The following UGT2B7 variants were observed in gnomAD, a reference collection of about 807,000 sequenced individuals.
UGT2B7 encodes the protein UDP glucuronosyltransferase family 2 member B7, also known as UDP-glucuronosyltransferase 2B7.
In UGT2B7, 51 loss-of-function variants were observed where a neutral mutation model predicts 51.9. The observed-to-expected ratio is 0.98, with a 90% CI of 0.78 to 1.24. The LOEUF (loss-of-function observed/expected upper bound fraction) is 1.24, where lower values mean the gene tolerates loss of function less well. Among genes scored for constraint, UGT2B7 ranks in the 50% most tolerant of loss-of-function variants. UGT2B7 has a pLI of 0.00. For missense variants in UGT2B7, 727 were observed against 628.4 expected (o/e 1.16, Z -1.68); for synonymous variants, 225 against 211.6 (o/e 1.06, Z -0.55).
At chr4:69,112,288 G>A (rs1719795283) in intron 5 of UGT2B7, among the ~76,000 whole-genome samples, 169 bp from the exon 6 acceptor site, 1 of 152,106 alleles carries the variant, frequency 6.6e-6, no homozygotes, top group Non-Finnish European at 1.5e-5. Flanking sequence ...TTAGAGTTGT[G>A]AGCCCTTAAA....
upstream of UGT2B7, among the ~76,000 whole-genome samples, chr4:69,093,028 A>G (rs999309355): frequency 3.9e-5 from 6 of 152,066 alleles, no homozygotes; most frequent in Non-Finnish European, 8.8e-5. Context: ...TGTCATACAT[A>G]ATCTCCAAAG....
At chr4:69,104,870 G>A (rs139887962) in intron 3 of UGT2B7, among the ~76,000 whole-genome samples, 31 of 152,288 alleles carry the variant, frequency 2.0e-4, no homozygotes, top group Middle Eastern at 6.8e-3. Context: ...ATGCAATTTA[G>A]TCTTGGCATG....
At chr4:69,108,691 A>T (rs921182000) in intron 5 of UGT2B7, among the ~76,000 whole-genome samples, 2 of 152,018 alleles carry the variant, frequency 1.3e-5, no homozygotes, top group Non-Finnish European at 2.9e-5. Context: ...GAGTATAACC[A>T]TTTTCTTGCT....
At chr4:69,089,434 A>G in intron 1 of UGT2B7, 1 of 152,214 alleles carries the variant, frequency 6.6e-6, no homozygotes, top group East Asian at 1.9e-4. Flanking sequence ...TCTACATGAT[A>G]TTGCATCTTT....
chr4:69,090,459 T>A (rs1307287033), intron 2 of UGT2B7, among the ~76,000 whole-genome samples: 1 of 130,642 alleles, frequency 7.7e-6, no homozygotes, highest in Non-Finnish European at 1.6e-5. Flanking sequence ...TAACTTCTTT[T>A]TCTTTTTTAA....
chr4:69,091,398 GT>G lies in UGT2B7; in HGVS notation c.-27+1805del, dbSNP rs112636942. On this transcript the variant is annotated intron_variant, in intron 2 of 5. Transcript: ENST00000502942. Reference sequence around the variant, plus strand: ...GTGAATTAGAAACTTTAAAGATTTTGTTTTTTTTTTCTGTCATTGAAAATAT... The same window carrying G: ...GTGAATTAGAAACTTTAAAGATTTTGTTTTTTTTTCTGTCATTGAAAATAT... Among the ~76,000 whole-genome samples, 2,394 of 146,416 alleles carry G rather than the reference GT, an allele frequency of 0.016. 166 individuals carry two copies. The East Asian group carries it at 0.24, about 15-fold the overall frequency.
intron 1 of UGT2B7, among the ~76,000 whole-genome samples, chr4:69,065,292 A>G (rs1577909033): frequency 6.6e-6 from 1 of 152,136 alleles, no homozygotes; most frequent in African/African-American, 2.4e-5. Context: ...TAGAAAAACC[A>G]AACTGCCTTG....
Position 69,091,449 on chromosome 4 carries a change from T to C in UGT2B7, c.-27+1846T>C, listed in dbSNP as rs138723783. Among the ~76,000 whole-genome samples the C allele has an allele frequency of 2.3e-3, 354 of 152,296 alleles. 2 individuals carry two copies. Among genetic ancestry groups the C allele is most frequent in the African/African-American group, 8.2e-3 (342 of 41,568 alleles). On this transcript the variant is annotated intron_variant, in intron 2 of 5. Coordinates refer to the UGT2B7 transcript ENST00000502942. ...TAGATTAGTACAGTTATATTTCATG[T>C]ATTTTTATTTTTTAAAGGTTGGAAC...
chr4:69,070,792 T>C (rs1201355175), intron 1 of UGT2B7, among the ~76,000 whole-genome samples: 1 of 152,128 alleles, frequency 6.6e-6, no homozygotes, highest in Non-Finnish European at 1.5e-5. Flanking sequence ...GGTCACCTTC[T>C]AGGACAAATC....
intron 1 of UGT2B7, among the ~76,000 whole-genome samples, chr4:69,063,322 A>AAAAAAAAAAAG (rs1408289895): frequency 8.8e-4 from 103 of 116,772 alleles, no homozygotes; most frequent in Admixed American, 2.8e-3. Context: ...CCGTCTCAAA[A>AAAAAAAAAAAG]AAAAAAAAAA....
chr4:69,059,167 T>C (rs1458402481), intron 1 of UGT2B7, among the ~76,000 whole-genome samples: 1 of 152,142 alleles, frequency 6.6e-6, no homozygotes, highest in Non-Finnish European at 1.5e-5. Context: ...GATTGGAAGT[T>C]AGAGGCCAGC....
intron 1 of UGT2B7, among the ~76,000 whole-genome samples, chr4:69,075,626 C>T (rs1718686148): frequency 1.3e-5 from 2 of 152,128 alleles, no homozygotes; most frequent in Non-Finnish European, 2.9e-5. Context: ...ATGAAAGTAT[C>T]AGCCTGAGAA....
chr4:69,102,415 C>T (rs2109888419), intron 2 of UGT2B7, among the ~76,000 whole-genome samples: 1 of 152,222 alleles, frequency 6.6e-6, no homozygotes, highest in South Asian at 2.1e-4. Flanking sequence ...AGTAGAACAA[C>T]AATATAGAAT....
chr4:69,064,094 A>AGAGAGAG (rs1718429376), intron 1 of UGT2B7, among the ~76,000 whole-genome samples: 40 of 84,460 alleles, frequency 4.7e-4, no homozygotes, highest in Non-Finnish European at 7.1e-4. Flanking sequence ...GAAAGAAAGA[A>AGAGAGAG]AGAGAAAGAA....
chr4:69,061,220 T>C (rs993324556), intron 1 of UGT2B7, among the ~76,000 whole-genome samples: 5 of 152,192 alleles, frequency 3.3e-5, no homozygotes, highest in African/African-American at 1.2e-4. Context: ...AAATATGCTT[T>C]TGCCACTTTG....
chr4:69,097,044 C>G lies in UGT2B7; in HGVS notation c.524C>G (p.Ser175Cys), dbSNP rs770638134. 1 of 1,613,746 alleles carries G rather than the reference C, an allele frequency of 6.2e-7. No homozygotes were observed. Among genetic ancestry groups the G allele is most frequent in the Non-Finnish European group, 8.5e-7 (1 of 1,179,828 alleles). Residue 175 changes from serine to cysteine, a missense_variant, in exon 1 of 6, where the codon TCT becomes TGT. Transcript: ENST00000305231. ...CCCTTTGTGTACAGTCTCAGCTTCT[C>G]TCCTGGCTACACTTTTGAAAAGCAT... ...NIPFVYSLSF[S>C]PGYTFEKHSG...
At chr4:69,085,271 AGT>A (rs1159931593) in intron 1 of UGT2B7, among the ~76,000 whole-genome samples, 1 of 152,110 alleles carries the variant, frequency 6.6e-6, no homozygotes, top group Non-Finnish European at 1.5e-5. Flanking sequence ...TCTTTTGAGA[AGT>A]GTCTGTTCAT....
chr4:69,065,147 T>C (rs771499815), intron 1 of UGT2B7, among the ~76,000 whole-genome samples: 1 of 152,176 alleles, frequency 6.6e-6, no homozygotes, highest in Non-Finnish European at 1.5e-5. Flanking sequence ...CCATGTAATC[T>C]GGGGCTCTTT....
At chr4:69,101,374 C>T (rs1356919072) in intron 2 of UGT2B7, among the ~76,000 whole-genome samples, 2 of 151,676 alleles carry the variant, frequency 1.3e-5, no homozygotes, top group East Asian at 1.9e-4. Context: ...TATAAAATTT[C>T]TTACATTAAT....
Sources: allele counts gnomAD v4.1 joint callset (sites outside exome capture counted in the v4.1 genomes callset), GRCh38; gene constraint gnomAD v4.1.1; transcripts MANE v1.5; gene names NCBI Gene and HGNC (gene_info 2026-07-23, HGNC 2026-07-21).